HERPUD1: variants seen among roughly 807,000 people sequenced by gnomAD.
The protein encoded by HERPUD1 is homocysteine inducible ER protein with ubiquitin like domain 1.
A neutral mutation model predicts 45.0 loss-of-function variants in HERPUD1; 17 were observed. That is an observed-to-expected ratio of 0.38 (90% CI 0.26 to 0.57). The LOEUF (loss-of-function observed/expected upper bound fraction) is 0.57. Ranked by LOEUF, HERPUD1 falls within the 20% of genes least tolerant of loss-of-function variation. The probability of loss-of-function intolerance (pLI) is 0.72; values close to 1 mark genes in which losing one functional copy is unlikely to be tolerated. For missense variants in HERPUD1, 420 were observed against 490.5 expected (o/e 0.86, Z 1.36); for synonymous variants, 164 against 177.5 (o/e 0.92, Z 0.61).
chr16:56,933,398 C>T, intron 1 of HERPUD1: 1 of 451,974 alleles, frequency 2.2e-6, no homozygotes, highest in Non-Finnish European at 4.4e-6. Flanking sequence ...AGAATTCACC[C>T]TGGCACATTT....
Position 56,935,452 on chromosome 16 carries a change from A to G in HERPUD1, c.277A>G (p.Lys93Glu). 5 of 1,614,192 alleles carry G rather than the reference A, an allele frequency of 3.1e-6. No homozygotes were observed. The highest frequency in any genetic ancestry group is 3.4e-6 in the Non-Finnish European group (4 of 1,180,012). Residue 93 changes from lysine to glutamate, a missense_variant, in exon 3 of 8, where the codon AAA (lysine) becomes GAA (glutamate). Coordinates refer to ENST00000439977, the MANE Select transcript of HERPUD1 (RefSeq NM_014685.4). ...HLVCNVKSPS[K>E]MPEINAKVAE... ...GGTGTGCAATGTGAAGAGTCCTTCA[A>G]AAATGCCAGAAATCAACGCCAAGGT...
At position 56,943,812 on chromosome 16, in the gene HERPUD1, G is replaced by A. The variant is rs1407265613; in HGVS notation, c.*522G>A. ...ATGCAGTGCTTTACTTTAAACTAAG[G>A]GGAACTTTGCGGAGGTGAAAACCTT... On this transcript the variant is annotated 3_prime_UTR_variant, in exon 8 of 8. Transcript: ENST00000439977. The A allele has an allele frequency of 1.9e-5, 4 of 213,862 alleles. No homozygotes were observed. Among genetic ancestry groups the A allele is most frequent in the Non-Finnish European group, 3.9e-5 (4 of 103,266 alleles). The allele number at this position is 213,862 out of a possible 1,614,324, so 13.2% of individuals were successfully genotyped here. A position where few individuals can be genotyped will look rare whatever the true frequency, so the allele number is the denominator to read the frequency against.
intron 3 of HERPUD1, 162 bp downstream of exon 3, chr16:56,935,637 A>C (rs879158429): frequency 1.6e-6 from 1 of 639,736 alleles, no homozygotes; most frequent in South Asian, 1.9e-5. Context: ...TATCAACACA[A>C]AGTGATGAGT....
chr16:56,935,273 G>C lies in HERPUD1; in HGVS notation c.186G>C (p.Leu62=), dbSNP rs149489369. ...AGAGGTTAATTTATTCTGGGAAGCT[G>C]TTGTTGGATCACCAATGTCTCAGGG... The part of the protein sequence containing the change: ...EDQRLIYSGK[L]LLDHQCLRDL... The change falls in exon 2 of 8, where the codon CTG becomes CTC. Residue 62 remains leucine (L), a synonymous_variant. Coordinates refer to ENST00000439977, the MANE Select transcript of HERPUD1 (RefSeq NM_014685.4). 1 of 1,614,020 alleles carries C rather than the reference G, an allele frequency of 6.2e-7. No homozygotes were observed. Among genetic ancestry groups the C allele is most frequent in the African/African-American group, 1.3e-5 (1 of 75,038 alleles).
At chr16:56,939,609 AT>A (rs1208781417) in intron 5 of HERPUD1, among the ~76,000 whole-genome samples, 1 of 152,020 alleles carries the variant, frequency 6.6e-6, no homozygotes, top group Non-Finnish European at 1.5e-5. Context: ...TTTCTTTTCA[AT>A]TTGTGCTATC....
intron 4 of HERPUD1, 166 bp downstream of exon 4, chr16:56,936,983 T>C: frequency 3.4e-6 from 2 of 582,646 alleles, no homozygotes; most frequent in Non-Finnish European, 5.5e-6. Flanking sequence ...ATTTAACTTT[T>C]CTTAATACAC....
intron 1 of HERPUD1, among the ~76,000 whole-genome samples, chr16:56,934,061 TTTTG>T (rs1430885387): frequency 6.6e-6 from 1 of 152,228 alleles, no homozygotes; most frequent in Non-Finnish European, 1.5e-5. Flanking sequence ...CTTTTTGCTG[TTTTG>T]TTTGTTTAAA....
intron 6 of HERPUD1, 54 bp from the exon 7 acceptor site, chr16:56,942,074 TTGAG>T: frequency 3.6e-6 from 5 of 1,398,340 alleles, no homozygotes; most frequent in South Asian, 3.5e-5. Flanking sequence ...CCTTGGATTC[TTGAG>T]TAAGTCTCAC....
intron 7 of HERPUD1, 36 bp from the exon 8 acceptor site, chr16:56,943,090 C>A: frequency 6.2e-7 from 1 of 1,603,514 alleles, no homozygotes. Flanking sequence ...ATTGTTTTCT[C>A]ATTGTTTCAT....
chr16:56,935,744 T>C (rs1289677521), intron 3 of HERPUD1: 4 of 443,202 alleles, frequency 9.0e-6, no homozygotes, highest in Non-Finnish European at 1.2e-5. Context: ...GGTTACTGTG[T>C]ATCTAGATTA....
intron 4 of HERPUD1, among the ~76,000 whole-genome samples, chr16:56,938,010 T>A (rs2055879223): frequency 6.6e-6 from 1 of 152,162 alleles, no homozygotes; most frequent in Non-Finnish European, 1.5e-5. Context: ...CATATTTGAC[T>A]CTCTGAATCT....
At chr16:56,939,131 T>G (rs555710085) in intron 4 of HERPUD1, 106 bp from the exon 5 acceptor site, 1 of 1,301,340 alleles carries the variant, frequency 7.7e-7, no homozygotes, top group Admixed American at 2.0e-5. Flanking sequence ...GTAAATTCCA[T>G]TCTTCTGTCT....
Position 56,942,133 on chromosome 16 carries a change from C to T in HERPUD1, c.907C>T (p.His303Tyr), listed in dbSNP as rs1324713264. The T allele has an allele frequency of 1.9e-6, 3 of 1,611,614 alleles. No homozygotes were observed. Among genetic ancestry groups the T allele is most frequent in the African/African-American group, 1.3e-5 (1 of 74,980 alleles). ...VMGATVVMYL[H>Y]HVGWFPFRPR... Reference sequence around the variant, plus strand: ...GACTTTTATGTGCTTCCTTTGAAGGCATCACGTTGGGTGGTTTCCATTTAG... The same window carrying T: ...GACTTTTATGTGCTTCCTTTGAAGGTATCACGTTGGGTGGTTTCCATTTAG... Residue 303 changes from histidine (H) to tyrosine (Y), a missense_variant and splice_region_variant, in exon 7 of 8, where the codon CAT (histidine) becomes TAT (tyrosine). Coordinates refer to ENST00000439977, the MANE Select transcript of HERPUD1 (RefSeq NM_014685.4).
chr16:56,937,816 A>G (rs1020763533), intron 4 of HERPUD1, among the ~76,000 whole-genome samples: 4 of 151,630 alleles, frequency 2.6e-5, no homozygotes, highest in African/African-American at 9.7e-5. Flanking sequence ...GATCAAAAAC[A>G]GCATCATACC....
chr16:56,935,139 C>T (rs2055856194), intron 1 of HERPUD1, 96 bp from the exon 2 acceptor site: 1 of 798,736 alleles, frequency 1.3e-6, no homozygotes, highest in Non-Finnish European at 2.2e-6. Flanking sequence ...GGGAAACACA[C>T]ATATTCAAAT....
chr16:56,939,387 G>A lies in HERPUD1; in HGVS notation c.554+28G>A, dbSNP rs747555551. ...GAGTCCTTCCCGCCATGCTGGGTGT[G>A]GCCAGGGCTCCCGGGAATTGAAGGG... On this transcript the variant is annotated intron_variant, in intron 5 of 7. Coordinates refer to ENST00000439977, the MANE Select transcript of HERPUD1 (RefSeq NM_014685.4). 5.0e-6 allele frequency: 8 copies of A among 1,613,210 alleles called. No homozygotes were observed. The South Asian group carries it at 7.7e-5, about 16-fold the overall frequency.
In HERPUD1 at chr16:56,935,370, A is replaced by G. The variant is rs112492451; in HGVS notation, c.226-31A>G. 467 of 1,612,718 alleles carry G rather than the reference A, an allele frequency of 2.9e-4. No homozygotes were observed. In the African/African-American group the frequency reaches 5.2e-3, roughly 18 times the overall value. ...TTTAAGCACTCACCAGGTTAGGTTC[A>G]GGTCCTTAAGTACCTTCGTATTACT... On this transcript the variant is annotated intron_variant, in intron 2 of 7. Coordinates refer to ENST00000439977, the MANE Select transcript of HERPUD1 (RefSeq NM_014685.4).
At chr16:56,941,737 A>G (rs2055911260) in intron 6 of HERPUD1, 1 of 153,648 alleles carries the variant, frequency 6.5e-6, no homozygotes, top group African/African-American at 2.4e-5. Context: ...TATTTTCTGT[A>G]GTCTCTAGAA....
chr16:56,933,133 C>T, intron 1 of HERPUD1: 1 of 391,722 alleles, frequency 2.6e-6, no homozygotes, highest in Non-Finnish European at 5.0e-6. Context: ...CTGGCCCTTC[C>T]TGTATTTACT....
Sources: allele counts gnomAD v4.1 joint callset (sites outside exome capture counted in the v4.1 genomes callset), GRCh38; gene constraint gnomAD v4.1.1; transcripts MANE v1.5; gene names NCBI Gene and HGNC (gene_info 2026-07-23, HGNC 2026-07-21).